Variants in DPYD observed in about 807,000 individuals in gnomAD.
DPYD encodes dihydropyrimidine dehydrogenase [NADP(+)].
Under a neutral mutation model 116.2 loss-of-function variants are expected in DPYD, and 109 were observed. The observed-to-expected ratio is 0.94, with a 90% CI of 0.80 to 1.10. The LOEUF is 1.10. Among genes scored for constraint, DPYD ranks in the 50% least tolerant of loss-of-function variants. DPYD has a pLI of 0.00. For synonymous variants in DPYD, 440 were observed against 432.0 expected, an observed-to-expected ratio of 1.02 and a Z score of -0.23; for missense variants, 1,302 against 1,254.5, an observed-to-expected ratio of 1.04 and a Z score of -0.57.
At chr1:97,217,649 A>G (rs1248686032) in intron 19 of DPYD, among the ~76,000 whole-genome samples, 2 of 151,810 alleles carry the variant, frequency 1.3e-5, no homozygotes, top group East Asian at 3.9e-4. Context: ...AAAAAAAAAA[A>G]GTAATAACTG....
chr1:97,178,531 T>C (rs769747453), intron 20 of DPYD, among the ~76,000 whole-genome samples: 1 of 152,116 alleles, frequency 6.6e-6, no homozygotes, highest in East Asian at 1.9e-4. Flanking sequence ...CTCATTCTCA[T>C]GAGGACAGCA....
chr1:97,156,942 A>T (rs1047520192), intron 20 of DPYD, among the ~76,000 whole-genome samples: 34 of 151,882 alleles, frequency 2.2e-4, no homozygotes, highest in Non-Finnish European at 3.2e-4. Context: ...CAGCCATAAA[A>T]AATGATGAGT....
At chr1:97,083,248 T>C (rs947397633) in intron 21 of DPYD, among the ~76,000 whole-genome samples, 26 of 152,142 alleles carry the variant, frequency 1.7e-4, no homozygotes, top group African/African-American at 6.3e-4. Context: ...TGTAGCAATG[T>C]CAAATTAGCA....
At chr1:97,280,852 T>C (rs779777085) in intron 18 of DPYD, among the ~76,000 whole-genome samples, 26 of 152,128 alleles carry the variant, frequency 1.7e-4, no homozygotes, top group Admixed American at 1.1e-3. Flanking sequence ...CAAATAACAA[T>C]ATAGTGTATA....
At chr1:97,227,366 G>GAAAAA (rs35923854) in intron 19 of DPYD, among the ~76,000 whole-genome samples, 1 of 127,540 alleles carries the variant, frequency 7.8e-6, no homozygotes, top group Non-Finnish European at 1.6e-5. Flanking sequence ...AAGAAAGAAA[G>GAAAAA]AAAAAAGAAA....
chr1:97,579,714 T>A (rs991027214), intron 10 of DPYD, among the ~76,000 whole-genome samples: 5 of 152,244 alleles, frequency 3.3e-5, no homozygotes, highest in South Asian at 2.1e-4. Flanking sequence ...ATTTATTTGT[T>A]TGATGGAGCA....
chr1:97,828,300 T>G (rs1669348100), intron 2 of DPYD, 104 bp from the exon 3 acceptor site: 1 of 965,480 alleles, frequency 1.0e-6, no homozygotes, highest in African/African-American at 1.6e-5. Flanking sequence ...CATGGACTCA[T>G]GAAAAATATG....
chr1:97,757,032 A>G (rs1011154007), intron 3 of DPYD, among the ~76,000 whole-genome samples: 3 of 152,088 alleles, frequency 2.0e-5, no homozygotes, highest in Non-Finnish European at 4.4e-5. Flanking sequence ...CATATTTTTC[A>G]AACTATAATA....
At chr1:97,672,035 C>A (rs1659898930) in intron 8 of DPYD, among the ~76,000 whole-genome samples, 1 of 150,500 alleles carries the variant, frequency 6.6e-6, no homozygotes, top group South Asian at 2.1e-4. Flanking sequence ...ACCTCCCCTT[C>A]CCACGCTCAT....
At chr1:97,151,282 T>G (rs1654994144) in intron 20 of DPYD, among the ~76,000 whole-genome samples, 2 of 152,250 alleles carry the variant, frequency 1.3e-5, no homozygotes, top group Non-Finnish European at 2.9e-5. Flanking sequence ...ATGAGCTCTT[T>G]TGATTCTTTA....
chr1:97,532,529 G>GT (rs1228990065), intron 12 of DPYD, among the ~76,000 whole-genome samples: 1 of 152,028 alleles, frequency 6.6e-6, no homozygotes, highest in Non-Finnish European at 1.5e-5. Flanking sequence ...GTTTGGGTTG[G>GT]TTTTTTATTA....
chr1:97,249,707 C>G (rs987486728), intron 18 of DPYD, among the ~76,000 whole-genome samples: 2 of 152,018 alleles, frequency 1.3e-5, no homozygotes, highest in African/African-American at 4.8e-5. Flanking sequence ...TTAAAACGAA[C>G]TCATATGTAA....
intron 20 of DPYD, among the ~76,000 whole-genome samples, chr1:97,101,179 G>C (rs1192343237): frequency 6.6e-6 from 1 of 151,380 alleles, no homozygotes; most frequent in Non-Finnish European, 1.5e-5. Flanking sequence ...GTTCATTTTT[G>C]TTTAATTCCT....
chr1:97,793,788 T>C (rs1052804658), intron 3 of DPYD, among the ~76,000 whole-genome samples: 1 of 152,138 alleles, frequency 6.6e-6, no homozygotes, highest in Non-Finnish European at 1.5e-5. Flanking sequence ...GCAGAAAATA[T>C]TTGCAACCCT....
chr1:97,455,398 A>T (rs1676625957), intron 13 of DPYD, among the ~76,000 whole-genome samples: 1 of 151,910 alleles, frequency 6.6e-6, no homozygotes, highest in Admixed American at 6.6e-5. Flanking sequence ...TTTTGTCAAA[A>T]ATGTTTTAAT....
chr1:97,702,190 T>A (rs1661635357), intron 5 of DPYD, among the ~76,000 whole-genome samples: 1 of 151,382 alleles, frequency 6.6e-6, no homozygotes, highest in African/African-American at 2.4e-5. Context: ...ATTTTATATT[T>A]CCCCAAAGAA....
chr1:97,629,630 CACAG>C (rs1233265981), intron 8 of DPYD, among the ~76,000 whole-genome samples: 1 of 152,004 alleles, frequency 6.6e-6, no homozygotes, highest in East Asian at 1.9e-4. Context: ...AAGGTCCCTC[CACAG>C]ACAGGCCATT....
Position 97,188,975 on chromosome 1 carries a change from C to G in DPYD, c.2622+4094G>C, listed in dbSNP as rs562152530. On this transcript the variant is annotated intron_variant, in intron 20 of 22. Transcript: ENST00000370192. ...TTCAAAGGTTATTTCTTTACATATT[C>G]TTTTCTTTTCTGATGTAATGGAAAA... Among the ~76,000 whole-genome samples, 266 of 152,232 alleles carry G rather than the reference C, an allele frequency of 1.7e-3. 1 individual carries two copies. The highest frequency in any genetic ancestry group is 2.2e-3 in the Non-Finnish European group (151 of 67,996).
intron 13 of DPYD, among the ~76,000 whole-genome samples, chr1:97,494,414 G>C (rs1434753891): frequency 6.6e-6 from 1 of 152,114 alleles, no homozygotes; most frequent in Non-Finnish European, 1.5e-5. Context: ...GCTGATAGCT[G>C]GTTCACCTAT....
Sources: gnomAD v4.1 joint callset for allele counts (sites outside exome capture counted in the v4.1 genomes callset) on GRCh38, gnomAD v4.1.1 for gene constraint, MANE v1.5 for transcripts, NCBI Gene and HGNC (gene_info 2026-07-23, HGNC 2026-07-21) for gene names.